Variants in CTNNA2 observed in about 807,000 individuals in gnomAD.
CTNNA2 encodes catenin alpha 2.
CTNNA2 carries 42 observed loss-of-function variants against 101.0 expected under a neutral mutation model. The observed-to-expected ratio is 0.42, with a 90% CI of 0.32 to 0.54. CTNNA2 has a LOEUF of 0.54. Ranked by LOEUF, CTNNA2 falls within the 20% of genes least tolerant of loss-of-function variation. The pLI, the probability that CTNNA2 is intolerant of heterozygous loss-of-function variation, is 0.14. For missense variants in CTNNA2, 871 were observed against 1,223.1 expected, an observed-to-expected ratio of 0.71 and a Z score of 4.29; for synonymous variants, 450 against 456.4, an observed-to-expected ratio of 0.99 and a Z score of 0.18.
In CTNNA2 at chr2:79,434,264, C is replaced by T. The variant is rs529321886; in HGVS notation, c.-135+60251C>T. Among the ~76,000 whole-genome samples the T allele has an allele frequency of 4.1e-5, 6 of 144,812 alleles. No individual in the cohort carries two copies. The South Asian group carries it at 1.3e-3, about 31-fold the overall frequency. On this transcript the variant is annotated intron_variant, in intron 4 of 21. Transcript: ENST00000466387. ...AGTGAGCTATAATCATACAGCTACA[C>T]TCCAGCCTGGGAAACAGAGAGAGAC...
At chr2:80,273,320 C>A (rs986770084) in intron 7 of CTNNA2, among the ~76,000 whole-genome samples, 1 of 152,078 alleles carries the variant, frequency 6.6e-6, no homozygotes, top group Non-Finnish European at 1.5e-5. Flanking sequence ...GCTTTACCTT[C>A]AAAATATAAG....
chr2:80,647,916 T>C lies in CTNNA2; in HGVS notation c.*44T>C, dbSNP rs759956294. The C allele has an allele frequency of 7.9e-6, 12 of 1,514,238 alleles. No homozygotes were observed. The Admixed American group carries it at 1.6e-4, about 20-fold the overall frequency. The allele number at this position is 1,514,238 out of a possible 1,614,324, so 93.8% of individuals were successfully genotyped here. ...GAAAGCTTTTTCTTTCTTTTCTTTC[T>C]TTCTTTTTCTTTTTAATTCCATTTT... On this transcript the variant is annotated 3_prime_UTR_variant, in exon 19 of 19. Transcript: ENST00000402739.
At chr2:79,829,721 TTTATTTATTTA>T in intron 3 of CTNNA2, among the ~76,000 whole-genome samples, 1 of 145,122 alleles carries the variant, frequency 6.9e-6, no homozygotes, top group Admixed American at 6.8e-5. Context: ...TATTTATTTA[TTTATTTATTTA>T]TTTTTGAGAC....
chr2:79,748,639 T>C (rs1671797705), intron 3 of CTNNA2, among the ~76,000 whole-genome samples: 1 of 152,156 alleles, frequency 6.6e-6, no homozygotes, highest in African/African-American at 2.4e-5. Context: ...CAACATTCAT[T>C]ATAATTACCC....
At chr2:80,049,529 A>T (rs934049206) in intron 7 of CTNNA2, among the ~76,000 whole-genome samples, 9 of 152,112 alleles carry the variant, frequency 5.9e-5, no homozygotes, top group African/African-American at 1.9e-4. Context: ...AGGACCTCCA[A>T]CCCCCTTGAA....
At chr2:79,525,038 C>CT (rs1175944281) in intron 1 of CTNNA2, among the ~76,000 whole-genome samples, 1 of 151,592 alleles carries the variant, frequency 6.6e-6, no homozygotes, top group Non-Finnish European at 1.5e-5. Flanking sequence ...TGATAGTAAA[C>CT]TTTTTTTATT....
chr2:80,429,937 A>T (rs952268762), intron 9 of CTNNA2, among the ~76,000 whole-genome samples: 1 of 152,236 alleles, frequency 6.6e-6, no homozygotes, highest in Non-Finnish European at 1.5e-5. Flanking sequence ...CACATAATGT[A>T]AATACTACCA....
intron 2 of CTNNA2, among the ~76,000 whole-genome samples, chr2:79,291,539 C>A (rs1310346893): frequency 3.9e-5 from 6 of 152,206 alleles, no homozygotes; most frequent in Non-Finnish European, 8.8e-5. Flanking sequence ...TTCATTTCCT[C>A]CCAGGAGCCA....
At position 79,393,628 on chromosome 2, in the gene CTNNA2, G is replaced by GAAAA. The variant is rs71385270; in HGVS notation, c.-135+19632_-135+19635dup. ...TAGGATAAAAGAAGATGTTCACAGA[G>GAAAA]AAAAAAAAAAAAAAAAAAAAGCTGC... On this transcript the variant is annotated intron_variant, in intron 4 of 21. Coordinates refer to the CTNNA2 transcript ENST00000466387. 1.0e-4 allele frequency among the ~76,000 whole-genome samples: 9 copies of GAAAA among 89,010 alleles called. 1 individual carries two copies. Among genetic ancestry groups the GAAAA allele is most frequent in the African/African-American group, 7.5e-5 (2 of 26,514 alleles). The allele number at this position is 89,010 out of a possible 152,430, so 58.4% of individuals were successfully genotyped here.
intron 7 of CTNNA2, among the ~76,000 whole-genome samples, chr2:80,014,310 G>T (rs919108497): frequency 6.6e-6 from 1 of 151,938 alleles, no homozygotes; most frequent in Non-Finnish European, 1.5e-5. Context: ...TCCTGGTGTG[G>T]TAAAGGGCAT....
chr2:80,258,423 G>A (rs1672337579), intron 7 of CTNNA2, among the ~76,000 whole-genome samples: 1 of 152,164 alleles, frequency 6.6e-6, no homozygotes, highest in Non-Finnish European at 1.5e-5. Flanking sequence ...GGAAGTAGAA[G>A]ACAGCGTCCT....
In CTNNA2 at chr2:80,555,746, G is replaced by T. The variant is rs765394694; in HGVS notation, c.1594G>T (p.Asp532Tyr). 1 of 1,583,516 alleles carries T rather than the reference G, an allele frequency of 6.3e-7. No homozygotes were observed. Among genetic ancestry groups the T allele is most frequent in the Non-Finnish European group, 8.6e-7 (1 of 1,164,770 alleles). The change falls in exon 12 of 19, where the codon GAT becomes TAT. Residue 532 changes from aspartate to tyrosine, a missense_variant. Physicochemically the swap from Asp to Tyr is radical, Grantham distance 160. Transcript: ENST00000402739. ...NKCVIALQEG[D>Y]VDTLDRTAGA... The stretch of plus-strand genomic sequence containing the variant: ...GTGTGTGATAGCCCTCCAAGAGGGC[G>T]ATGTGGACACTCTGGACCGGACTGC...
At chr2:80,570,455 T>C (rs1358483271) in intron 12 of CTNNA2, among the ~76,000 whole-genome samples, 1 of 152,176 alleles carries the variant, frequency 6.6e-6, no homozygotes, top group Non-Finnish European at 1.5e-5. Context: ...GACCAATCCC[T>C]AAATAAATAT....
At chr2:79,287,026 C>T (rs1168568450) in intron 2 of CTNNA2, among the ~76,000 whole-genome samples, 1 of 152,076 alleles carries the variant, frequency 6.6e-6, no homozygotes, top group Non-Finnish European at 1.5e-5. Flanking sequence ...TCGCTGATAC[C>T]CTTTCTTCCA....
chr2:79,490,728 A>G (rs1671200392), intron 4 of CTNNA2, among the ~76,000 whole-genome samples: 1 of 152,206 alleles, frequency 6.6e-6, no homozygotes, highest in Admixed American at 6.5e-5. Flanking sequence ...GTTCACTAGA[A>G]ATAATTCATT....
chr2:79,300,652 T>C (rs1010315621), intron 2 of CTNNA2, among the ~76,000 whole-genome samples: 1 of 152,228 alleles, frequency 6.6e-6, no homozygotes, highest in Admixed American at 6.5e-5. Context: ...CCTAAATTTC[T>C]TAAGTTTCAT....
rs558589821 is a variant in CTNNA2 at position 80,580,336 on chromosome 2, C to A, written c.1894-1370C>A. Among the ~76,000 whole-genome samples the A allele has an allele frequency of 2.0e-5, 3 of 152,250 alleles. No homozygotes were observed. The East Asian group carries it at 5.8e-4, about 29-fold the overall frequency. On this transcript the variant is annotated intron_variant, in intron 13 of 18. Transcript: ENST00000402739. The stretch of plus-strand genomic sequence containing the variant: ...ATTCTTTCTTATCTTTTCCTTATCA[C>A]TGACTTTATAGATTGGAAAGGATCT...
At chr2:79,693,427 A>C (rs1417390583) in intron 2 of CTNNA2, among the ~76,000 whole-genome samples, 1 of 152,026 alleles carries the variant, frequency 6.6e-6, no homozygotes, top group African/African-American at 2.4e-5. Flanking sequence ...GCTTCATGAC[A>C]TACCTATTCA....
chr2:79,791,292 A>G (rs999985258), intron 3 of CTNNA2, among the ~76,000 whole-genome samples: 1 of 152,170 alleles, frequency 6.6e-6, no homozygotes, highest in Non-Finnish European at 1.5e-5. Flanking sequence ...TGAGATCCTG[A>G]AGCCCTAAAG....
Sources: allele counts gnomAD v4.1 joint callset (sites outside exome capture counted in the v4.1 genomes callset), GRCh38; gene constraint gnomAD v4.1.1; transcripts MANE v1.5; gene names NCBI Gene and HGNC (gene_info 2026-07-23, HGNC 2026-07-21).